The following DOCK7 variants were observed in gnomAD, a reference collection of about 807,000 sequenced individuals.
DOCK7 encodes the protein dedicator of cytokinesis protein 7.
DOCK7 carries 138 observed loss-of-function variants against 271.0 expected under a neutral mutation model. That is an observed-to-expected ratio of 0.51 (90% confidence interval 0.44 to 0.59). The LOEUF (loss-of-function observed/expected upper bound fraction) is 0.59. DOCK7 is among the 20% of genes least tolerant of loss of function. DOCK7 has a pLI of 0.00. For missense variants in DOCK7, 2,066 were observed against 2,592.4 expected, an observed-to-expected ratio of 0.80 and a Z score of 4.41; for synonymous variants, 823 against 876.1, an observed-to-expected ratio of 0.94 and a Z score of 1.07.
At chr1:62,565,219 T>C (rs1407412495) in intron 18 of DOCK7, among the ~76,000 whole-genome samples, 5 of 152,142 alleles carry the variant, frequency 3.3e-5, no homozygotes, top group Non-Finnish European at 5.9e-5. Flanking sequence ...ATCATCCTGA[T>C]ACCAAAACCT....
In DOCK7 at chr1:62,601,904, T is replaced by C. The variant is rs145535735; in HGVS notation, c.1683-15280A>G. ...TCAGGTAAAACCTGTCTAAGGAGAA[T>C]AGACAGTAGTTAGTTCAACTTACTC... On this transcript the variant is annotated intron_variant, in intron 14 of 49. Transcript: ENST00000635253. The C allele has an allele frequency of 1.9e-4, 286 of 1,491,184 alleles. 3 individuals are homozygous for C. In the African/African-American group the frequency reaches 2.4e-3, roughly 13 times the overall value. The allele number at this position is 1,491,184 out of a possible 1,614,324, so 92.4% of individuals were successfully genotyped here. A position where few individuals can be genotyped will look rare whatever the true frequency, so the allele number is the denominator to read the frequency against.
chr1:62,503,308 T>G (rs1036051782), intron 37 of DOCK7, among the ~76,000 whole-genome samples: 4 of 152,004 alleles, frequency 2.6e-5, no homozygotes, highest in Non-Finnish European at 5.9e-5. Flanking sequence ...CTTTTTAAAG[T>G]TTTTTTGTAG....
intron 31 of DOCK7, among the ~76,000 whole-genome samples, chr1:62,515,307 T>C (rs1456170919): frequency 6.6e-6 from 1 of 152,106 alleles, no homozygotes; most frequent in African/African-American, 2.4e-5. Flanking sequence ...CCACATAAGC[T>C]TGCTTAACTA....
chr1:62,659,926 T>C (rs1658475095), intron 2 of DOCK7, among the ~76,000 whole-genome samples: 1 of 152,126 alleles, frequency 6.6e-6, no homozygotes, highest in African/African-American at 2.4e-5. Context: ...AGCTATAAAA[T>C]AGGTGTAGCA....
intron 41 of DOCK7, 62 bp downstream of exon 41, chr1:62,492,642 C>T: frequency 6.3e-7 from 1 of 1,591,214 alleles, no homozygotes; most frequent in South Asian, 1.1e-5. Flanking sequence ...AGAATAAATA[C>T]ACATGTCATT....
rs1657684885 is a variant in DOCK7, at chr1:62,654,006, C to T, written c.298G>A (p.Val100Ile). Residue 100 changes from valine to isoleucine, a missense_variant, in exon 3 of 50, where the codon GTT (valine) becomes ATT (isoleucine). This residue lies in a region of DOCK7 where 1,414 missense variants were observed against 1,670.4 expected (regional missense o/e 0.85). Coordinates refer to ENST00000635253, the MANE Select transcript of DOCK7 (RefSeq NM_001367561.1). ...VYSPRDCRTL[V>I]SAVPEESEMD... ...TACCTTTCTTCAGGTACAGCTGAAA[C>T]AAGAGTTCTGCAGTCCCGAGGACTA... 10 of 1,613,404 alleles carry T rather than the reference C, an allele frequency of 6.2e-6. No homozygotes were observed. The highest frequency in any genetic ancestry group is 8.5e-7 in the Non-Finnish European group (1 of 1,179,758).
At chr1:62,516,988 A>G (rs1191830426) in intron 31 of DOCK7, 1 of 152,420 alleles carries the variant, frequency 6.6e-6, no homozygotes, top group East Asian at 1.9e-4. Context: ...GCAGTCATAT[A>G]CTAATCTCCA....
At chr1:62,688,170 G>T in intron 1 of DOCK7, 57 bp downstream of exon 1, 1 of 1,333,706 alleles carries the variant, frequency 7.5e-7, no homozygotes, top group South Asian at 1.8e-5. Context: ...GGCCTGGGAG[G>T]ACTCCGCGGC....
rs1476508026 is a variant in DOCK7 at position 62,455,145 on chromosome 1, T to A, written c.*269A>T. On this transcript the variant is annotated 3_prime_UTR_variant, in exon 50 of 50. Transcript: ENST00000635253. Reference sequence around the variant, plus strand: ...CTTAAAGTGAATAAATTTTTAACCTTAGCTATGGTATAAATAATGGTAAAT... The same window carrying A: ...CTTAAAGTGAATAAATTTTTAACCTAAGCTATGGTATAAATAATGGTAAAT... 1 of 554,786 alleles carries A rather than the reference T, an allele frequency of 1.8e-6. No homozygotes were observed. The highest frequency in any genetic ancestry group is 1.9e-5 in the African/African-American group (1 of 52,316). 34.4% of individuals were successfully genotyped at this position (554,786 alleles called of 1,614,324 possible).
At position 62,494,539 on chromosome 1, in the gene DOCK7, C is replaced by CA. The variant is rs1646563121; in HGVS notation, c.5025-73dup. On this transcript the variant is annotated intron_variant, in intron 39 of 49. Transcript: ENST00000635253. Reference sequence around the variant, plus strand: ...TGGGAGGGAGTTTAGATAGCTCGCTCAGAGTTTACCTAGAAAGGTTTTTGA... The same window carrying CA: ...TGGGAGGGAGTTTAGATAGCTCGCTCAAGAGTTTACCTAGAAAGGTTTTTGA... 5.7e-6 allele frequency: 8 copies of CA among 1,406,000 alleles called. No homozygotes were observed. The Admixed American group carries it at 1.6e-4, about 29-fold the overall frequency. The allele number at this position is 1,406,000 out of a possible 1,614,324, so 87.1% of individuals were successfully genotyped here.
intron 15 of DOCK7, chr1:62,584,945 T>A (rs1647321585): frequency 1.5e-6 from 1 of 665,510 alleles, no homozygotes; most frequent in Non-Finnish European, 2.8e-6. Context: ...AAAAAATAGA[T>A]TATTCTACAT....
At chr1:62,482,831 C>T (rs1342323524) in intron 43 of DOCK7, 3 of 152,124 alleles carry the variant, frequency 2.0e-5, no homozygotes, top group Non-Finnish European at 4.4e-5. Flanking sequence ...TGCATGCTTG[C>T]ATATCCTTTA....
intron 18 of DOCK7, among the ~76,000 whole-genome samples, chr1:62,568,551 T>C (rs10789114): frequency 0.33 from 44,838 of 135,112 alleles, 7,544 homozygotes; most frequent in South Asian, 0.42. Flanking sequence ...GTAATCCCCC[T>C]GCCACAGCAT....
At chr1:62,592,997 A>G (rs1648685466) in intron 14 of DOCK7, among the ~76,000 whole-genome samples, 1 of 152,180 alleles carries the variant, frequency 6.6e-6, no homozygotes, top group South Asian at 2.1e-4. Context: ...GGGCTGATTA[A>G]ATTAAGGTTC....
At chr1:62,632,213 T>G (rs990964161) in intron 10 of DOCK7, among the ~76,000 whole-genome samples, 1 of 152,346 alleles carries the variant, frequency 6.6e-6, no homozygotes, top group Non-Finnish European at 1.5e-5. Flanking sequence ...GCACTATTAC[T>G]ATCTCTACTA....
At chr1:62,618,950 A>G (rs1652800100) in intron 13 of DOCK7, 82 bp from the exon 14 acceptor site, 7 of 1,305,488 alleles carry the variant, frequency 5.4e-6, no homozygotes, top group South Asian at 1.4e-5. Flanking sequence ...CTTGGATCCT[A>G]TTTTTGCAAG....
chr1:62,683,236 T>C (rs1661366126), intron 1 of DOCK7, among the ~76,000 whole-genome samples: 1 of 152,150 alleles, frequency 6.6e-6, no homozygotes, highest in African/African-American at 2.4e-5. Flanking sequence ...TAAGAATTAG[T>C]GAGATGAGTA....
chr1:62,492,449 T>C, intron 41 of DOCK7: 1 of 356,716 alleles, frequency 2.8e-6, no homozygotes, highest in Non-Finnish European at 5.2e-6. Flanking sequence ...CCACCATGCC[T>C]GGTGAATTTT....
chr1:62,642,324 G>A lies in DOCK7; in HGVS notation c.818+5367C>T, dbSNP rs561041200. The stretch of plus-strand genomic sequence containing the variant: ...GGGTTTTACCATGTTGTCCAGGCTT[G>A]AACTCCTGACCTCAGGTGATCTGTC... On this transcript the variant is annotated intron_variant, in intron 7 of 49. Coordinates refer to ENST00000635253, the MANE Select transcript of DOCK7 (RefSeq NM_001367561.1). 6.6e-5 allele frequency among the ~76,000 whole-genome samples: 10 copies of A among 152,110 alleles called. 1 individual carries two copies. The South Asian group carries it at 2.1e-3, about 32-fold the overall frequency.
Sources: allele counts gnomAD v4.1 joint callset (sites outside exome capture counted in the v4.1 genomes callset), GRCh38; gene constraint gnomAD v4.1.1; regional missense constraint gnomAD v4.1.1; transcripts MANE v1.5; gene names NCBI Gene and HGNC (gene_info 2026-07-23, HGNC 2026-07-21).